Variants in PPP2R2B observed in about 807,000 individuals in gnomAD.
PPP2R2B encodes the protein serine/threonine-protein phosphatase 2A 55 kDa regulatory subunit B beta isoform.
PPP2R2B carries 5 observed loss-of-function variants against 46.0 expected under a neutral mutation model. That is an observed-to-expected ratio of 0.11 (90% confidence interval 0.06 to 0.23). PPP2R2B has a LOEUF of 0.23. PPP2R2B is among the 10% of genes least tolerant of loss of function. The probability of loss-of-function intolerance (pLI) is 1.00; values close to 1 mark genes in which losing one functional copy is unlikely to be tolerated. For missense variants in PPP2R2B, 367 were observed against 575.0 expected (o/e 0.64, Z 3.70); for synonymous variants, 215 against 206.7 (o/e 1.04, Z -0.34).
At chr5:146,925,528 C>A (rs1763753589) in intron 1 of PPP2R2B, among the ~76,000 whole-genome samples, 1 of 152,158 alleles carries the variant, frequency 6.6e-6, no homozygotes, top group South Asian at 2.1e-4. Flanking sequence ...GCTCACCTTT[C>A]TATGGTGCGT....
At chr5:146,974,937 C>T (rs1041195829) in intron 1 of PPP2R2B, among the ~76,000 whole-genome samples, 8 of 152,146 alleles carry the variant, frequency 5.3e-5, no homozygotes, top group African/African-American at 1.7e-4. Context: ...GATCCGCCCA[C>T]CTCTGCCTCC....
intron 9 of PPP2R2B, among the ~76,000 whole-genome samples, chr5:146,591,199 T>C (rs1323335573): frequency 1.3e-5 from 2 of 152,100 alleles, no homozygotes; most frequent in Non-Finnish European, 2.9e-5. Flanking sequence ...CTCCTTAAGA[T>C]GGGAGAGCAG....
At chr5:147,015,013 G>A (rs1049190589) in intron 1 of PPP2R2B, among the ~76,000 whole-genome samples, 1 of 151,890 alleles carries the variant, frequency 6.6e-6, no homozygotes, top group African/African-American at 2.4e-5. Flanking sequence ...AACACTTCTT[G>A]TTCCAAGGAT....
At chr5:146,772,415 T>C in intron 2 of PPP2R2B, among the ~76,000 whole-genome samples, 1 of 76,862 alleles carries the variant, frequency 1.3e-5, no homozygotes, top group South Asian at 4.1e-4. Flanking sequence ...TATATATATA[T>C]ATATATATAT....
chr5:146,606,724 G>A (rs1772312414), intron 7 of PPP2R2B, among the ~76,000 whole-genome samples: 1 of 152,136 alleles, frequency 6.6e-6, no homozygotes, highest in Non-Finnish European at 1.5e-5. Flanking sequence ...TTTTCTGTCT[G>A]GGCTGCGACA....
intron 1 of PPP2R2B, chr5:147,054,508 A>G (rs1756979299): frequency 2.6e-5 from 11 of 420,492 alleles, no homozygotes; most frequent in South Asian, 1.7e-4. Flanking sequence ...ATGAGATATC[A>G]ATGTCTATGA....
rs1367793688 is a variant in PPP2R2B, at chr5:147,001,724, T to TG, written c.79+53940dup. On this transcript the variant is annotated intron_variant, in intron 1 of 8. Transcript: ENST00000336640. ...TTCTGTCCTATTTTTCCTTAGAATC[T>TG]GGGGGCTAAATAACAGGCACTTGTT... Among the ~76,000 whole-genome samples the TG allele has an allele frequency of 1.6e-4, 24 of 152,164 alleles. 2 individuals are homozygous for TG. The highest frequency in any genetic ancestry group is 1.6e-3 in the Admixed American group (24 of 15,284).
intron 5 of PPP2R2B, among the ~76,000 whole-genome samples, chr5:146,680,554 T>TA (rs1005259311): frequency 6.0e-5 from 9 of 149,890 alleles, no homozygotes; most frequent in Admixed American, 2.7e-4. Flanking sequence ...ATAATAATAA[T>TA]AAAAAAAACC....
intron 5 of PPP2R2B, among the ~76,000 whole-genome samples, chr5:146,676,855 G>T (rs1046527881): frequency 2.0e-5 from 3 of 152,152 alleles, no homozygotes; most frequent in African/African-American, 7.2e-5. Flanking sequence ...AACCGAGGTG[G>T]TGCTTATGTT....
chr5:147,081,507 T>A, upstream of PPP2R2B: 1 of 585,094 alleles, frequency 1.7e-6, no homozygotes. Context: ...TTTTGATTGT[T>A]TTCCTTCTGT....
intron 2 of PPP2R2B, among the ~76,000 whole-genome samples, chr5:146,860,346 T>C (rs1760911767): frequency 6.6e-6 from 1 of 152,212 alleles, no homozygotes; most frequent in African/African-American, 2.4e-5. Context: ...TAGACCATCT[T>C]ACCCATGTTC....
chr5:146,785,285 G>A (rs1755766393), intron 2 of PPP2R2B, among the ~76,000 whole-genome samples: 2 of 152,168 alleles, frequency 1.3e-5, no homozygotes, highest in Admixed American at 6.5e-5. Context: ...CGTGTCTCAT[G>A]CCTGTAACCC....
chr5:146,625,651 G>A (rs138192991), intron 7 of PPP2R2B, among the ~76,000 whole-genome samples: 3 of 152,152 alleles, frequency 2.0e-5, no homozygotes, highest in Non-Finnish European at 4.4e-5. Flanking sequence ...CTGGAGGAAT[G>A]TGCCTTAACT....
chr5:146,621,496 C>A (rs921306779), intron 7 of PPP2R2B, among the ~76,000 whole-genome samples: 2 of 152,200 alleles, frequency 1.3e-5, no homozygotes, highest in African/African-American at 4.8e-5. Context: ...GGCGGCCCCA[C>A]ACCTCTGAAG....
chr5:146,984,973 A>G (rs986042887), intron 1 of PPP2R2B, among the ~76,000 whole-genome samples: 3 of 144,054 alleles, frequency 2.1e-5, no homozygotes, highest in Admixed American at 2.1e-4. Flanking sequence ...TATTTGGGAT[A>G]TTAACCCTTT....
intron 1 of PPP2R2B, among the ~76,000 whole-genome samples, chr5:146,964,171 C>T (rs946109878): frequency 5.9e-5 from 9 of 152,182 alleles, no homozygotes; most frequent in South Asian, 2.1e-4. Flanking sequence ...TGAGATTCCA[C>T]GGCTAAATAC....
chr5:146,906,442 C>A (rs530756366), intron 1 of PPP2R2B, among the ~76,000 whole-genome samples: 2 of 152,200 alleles, frequency 1.3e-5, no homozygotes, highest in African/African-American at 2.4e-5. Context: ...CCTGCCTCAG[C>A]CTCCCTAGTA....
At position 146,706,427 on chromosome 5, in the gene PPP2R2B, A is replaced by T; in HGVS notation, c.71-5285T>A. On this transcript the variant is annotated intron_variant, in intron 2 of 9. Coordinates refer to ENST00000394411, the MANE Select transcript of PPP2R2B (RefSeq NM_181675.4). ...GCTGGTGGTCTTCGTATGGATACTC[A>T]TGTTCTCCATCTTCCAGCAGCTTCC... 4.2e-6 allele frequency: 4 copies of T among 959,484 alleles called. No homozygotes were observed. In the South Asian group the frequency reaches 5.1e-5, roughly 12 times the overall value. 59.4% of individuals were successfully genotyped at this position (959,484 alleles called of 1,614,324 possible).
chr5:146,737,527 C>G (rs1442731346), intron 2 of PPP2R2B, among the ~76,000 whole-genome samples: 1 of 152,160 alleles, frequency 6.6e-6, no homozygotes, highest in East Asian at 1.9e-4. Context: ...ACTTGTCAAA[C>G]CTGCAGAAGA....
Sources: allele counts gnomAD v4.1 joint callset (sites outside exome capture counted in the v4.1 genomes callset), GRCh38; gene constraint gnomAD v4.1.1; transcripts MANE v1.5; gene names NCBI Gene and HGNC (gene_info 2026-07-23, HGNC 2026-07-21).